The following LAMA1 variants were observed in gnomAD, a reference collection of about 807,000 sequenced individuals.
LAMA1 encodes laminin subunit alpha-1.
Under a neutral mutation model 348.7 loss-of-function variants are expected in LAMA1, and 219 were observed. That is an observed-to-expected ratio of 0.63 (90% CI 0.56 to 0.70). LAMA1 has a LOEUF of 0.70. Ranked by LOEUF, LAMA1 falls within the 30% of genes least tolerant of loss-of-function variation. The pLI is 0.00. For missense variants in LAMA1, 3,744 were observed against 3,888.0 expected, an observed-to-expected ratio of 0.96 and a Z score of 0.99; for synonymous variants, 1,487 against 1,491.0, an observed-to-expected ratio of 1.00 and a Z score of 0.06.
At chr18:6,966,329 T>C (rs2057633300) in intron 48 of LAMA1, 32 bp from the exon 49 acceptor site, 1 of 1,604,622 alleles carries the variant, frequency 6.2e-7, no homozygotes, top group Non-Finnish European at 8.5e-7. Context: ...ATAGAATCCA[T>C]TCTCAGGAGG....
intron 33 of LAMA1, among the ~76,000 whole-genome samples, chr18:6,997,367 G>T (rs2057786606): frequency 3.3e-5 from 5 of 152,156 alleles, no homozygotes; most frequent in Admixed American, 3.3e-4. Flanking sequence ...ACCGTGCCTG[G>T]CCTATTTTCT....
In LAMA1 at chr18:6,941,965, G is replaced by T; in HGVS notation, c.*114C>A. Reference sequence around the variant, plus strand: ...AACGTAAACACAACATCTCTCCCCAGAAACACTTAACCTGAGTTGGAAATG... The same window carrying T: ...AACGTAAACACAACATCTCTCCCCATAAACACTTAACCTGAGTTGGAAATG... On this transcript the variant is annotated 3_prime_UTR_variant, in exon 63 of 63. Transcript: ENST00000389658. 1 of 1,360,774 alleles carries T rather than the reference G, an allele frequency of 7.3e-7. No homozygotes were observed. Among genetic ancestry groups the T allele is most frequent in the Non-Finnish European group, 1.0e-6 (1 of 960,942 alleles). The allele number at this position is 1,360,774 out of a possible 1,614,324, so 84.3% of individuals were successfully genotyped here.
intron 1 of LAMA1, 143 bp downstream of exon 1, chr18:7,117,517 C>A (rs2058362576): frequency 1.3e-6 from 1 of 775,852 alleles, no homozygotes; most frequent in Admixed American, 2.5e-5. Context: ...GCGGGAGACC[C>A]ACGTGGCCGA....
At chr18:7,000,439 A>T (rs1235001646) in intron 30 of LAMA1, among the ~76,000 whole-genome samples, 2 of 152,236 alleles carry the variant, frequency 1.3e-5, no homozygotes, top group Admixed American at 1.3e-4. Context: ...ACTGTAACGA[A>T]AGGCGAGGAA....
chr18:6,983,397 A>G (rs79074926), intron 39 of LAMA1, among the ~76,000 whole-genome samples, 163 bp from the exon 40 acceptor site: 1 of 152,206 alleles, frequency 6.6e-6, no homozygotes, highest in Non-Finnish European at 1.5e-5. Context: ...TTCCCATGTA[A>G]CTTCAAAAGT....
At position 7,015,709 on chromosome 18, in the gene LAMA1, T is replaced by C. The variant is rs1568031928; in HGVS notation, c.3126+13A>G. 1.2e-6 allele frequency: 2 copies of C among 1,613,338 alleles called. No individual in the cohort carries two copies. Among genetic ancestry groups the C allele is most frequent in the African/African-American group, 1.3e-5 (1 of 74,934 alleles). On this transcript the variant is annotated intron_variant, in intron 22 of 62. Coordinates refer to ENST00000389658, the MANE Select transcript of LAMA1 (RefSeq NM_005559.4). ...ACTCTCAGTTAAGCAAGAGCGTGGA[T>C]GACAGTGCTCACCTGGCACCCCACC...
At chr18:7,093,748 A>G (rs1458186884) in intron 1 of LAMA1, among the ~76,000 whole-genome samples, 3 of 151,348 alleles carry the variant, frequency 2.0e-5, no homozygotes, top group Admixed American at 2.0e-4. Flanking sequence ...AGGTAGAGAG[A>G]TAAGAATTAC....
chr18:7,034,705 CAA>C lies in LAMA1; in HGVS notation c.1840-17_1840-16del, dbSNP rs756307870. 3 of 1,599,698 alleles carry C rather than the reference CAA, an allele frequency of 1.9e-6. No homozygotes were observed. The highest frequency in any genetic ancestry group is 1.7e-6 in the Non-Finnish European group (2 of 1,167,380). On this transcript the variant is annotated splice_polypyrimidine_tract_variant and intron_variant, in intron 13 of 62. Coordinates refer to ENST00000389658, the MANE Select transcript of LAMA1 (RefSeq NM_005559.4). The stretch of plus-strand genomic sequence containing the variant: ...AGTCCGTTTCCCTAACATTTAAAAA[CAA>C]GAGAAAATATATTTGTCATTCAATT...
chr18:7,035,885 C>T, intron 13 of LAMA1, 102 bp downstream of exon 13: 1 of 948,862 alleles, frequency 1.1e-6, no homozygotes, highest in South Asian at 1.4e-5. Context: ...CACCTGGCCA[C>T]CAGCTCCTTG....
At chr18:7,068,706 A>G (rs1039204908) in intron 3 of LAMA1, among the ~76,000 whole-genome samples, 1 of 152,182 alleles carries the variant, frequency 6.6e-6, no homozygotes, top group Non-Finnish European at 1.5e-5. Context: ...TGAGGTTTTT[A>G]TAAGCCATGT....
intron 56 of LAMA1, 70 bp from the exon 57 acceptor site, chr18:6,955,535 G>T (rs760340779): frequency 1.6e-5 from 16 of 1,010,624 alleles, no homozygotes; most frequent in Non-Finnish European, 2.3e-5. Context: ...CGCGTGTTCC[G>T]CCATGAAGGG....
chr18:6,943,412 A>G lies in LAMA1; in HGVS notation c.8845-10T>C. 1 of 1,611,986 alleles carries G rather than the reference A, an allele frequency of 6.2e-7. No homozygotes were observed. The highest frequency in any genetic ancestry group is 8.5e-7 in the Non-Finnish European group (1 of 1,177,992). On this transcript the variant is annotated splice_polypyrimidine_tract_variant and intron_variant, in intron 61 of 62. Coordinates refer to ENST00000389658, the MANE Select transcript of LAMA1 (RefSeq NM_005559.4). Reference sequence around the variant, plus strand: ...TGACATGGAACAAGACCTAAAAGCAAATATCTTGGTGAGTTTTTGTGTATT... The same window carrying G: ...TGACATGGAACAAGACCTAAAAGCAGATATCTTGGTGAGTTTTTGTGTATT...
chr18:7,002,517 C>T (rs1320046836), intron 29 of LAMA1, 132 bp from the exon 30 acceptor site: 3 of 960,380 alleles, frequency 3.1e-6, no homozygotes, highest in Non-Finnish European at 5.0e-6. Flanking sequence ...GAAAGGGGAG[C>T]ATTTTCCTCC....
rs377015360 is a variant in LAMA1, at chr18:6,943,230, T to C, written c.9017A>G (p.Gln3006Arg). ...ATTGTTGGTGTCCACTGAGGTAGAC[T>C]GGGTGTGTGGACTTTCAGCGCCAAC... ...NAVGAESPHT[Q>R]STSVDTNNPI... Residue 3006 changes from glutamine to arginine, a missense_variant, in exon 62 of 63, where the codon CAG becomes CGG. Coordinates refer to ENST00000389658, the MANE Select transcript of LAMA1 (RefSeq NM_005559.4). 38 of 1,614,098 alleles carry C rather than the reference T, an allele frequency of 2.4e-5. No homozygotes were observed. The highest frequency in any genetic ancestry group is 3.1e-5 in the Non-Finnish European group (37 of 1,180,048).
rs1048680942 is a variant in LAMA1, at chr18:6,966,095, C to A, written c.7050+52G>T. On this transcript the variant is annotated intron_variant, in intron 49 of 62. Transcript: ENST00000389658. ...TCATTAAACATAAACAACCACATAG[C>A]AATCTAAATGTGTGTATACAGTAGG... 4 of 1,594,898 alleles carry A rather than the reference C, an allele frequency of 2.5e-6. No homozygotes were observed. In the African/African-American group the frequency reaches 5.4e-5, roughly 21 times the overall value.
intron 3 of LAMA1, among the ~76,000 whole-genome samples, chr18:7,063,939 G>T (rs528375393): frequency 4.9e-4 from 74 of 152,236 alleles, no homozygotes; most frequent in African/African-American, 1.7e-3. Context: ...TGGTGGTGAC[G>T]GTTGCACAAT....
intron 47 of LAMA1, 141 bp downstream of exon 47, chr18:6,972,916 C>G: frequency 1.2e-6 from 1 of 836,652 alleles, no homozygotes; most frequent in South Asian, 1.4e-5. Context: ...GTCTTGAACT[C>G]CGGACCTCAG....
chr18:7,017,271 ATC>A lies in LAMA1; in HGVS notation c.2808+5_2808+6del. 6.2e-7 allele frequency: 1 copy of A among 1,608,172 alleles called. No homozygotes were observed. The highest frequency in any genetic ancestry group is 8.5e-7 in the Non-Finnish European group (1 of 1,175,164). ...GCTAAGGTGTCAATTAGTCACATGC[ATC>A]TTACCAAGCACTGGTCACACTGCTG... On this transcript the variant is annotated splice_donor_5th_base_variant and intron_variant, in intron 20 of 62. Coordinates refer to ENST00000389658, the MANE Select transcript of LAMA1 (RefSeq NM_005559.4).
chr18:7,106,822 G>C (rs997851587), intron 1 of LAMA1, among the ~76,000 whole-genome samples: 2 of 151,994 alleles, frequency 1.3e-5, no homozygotes, highest in Non-Finnish European at 2.9e-5. Flanking sequence ...GACACACACA[G>C]AAGTGCTGGC....
Sources: gnomAD v4.1 joint callset for allele counts (sites outside exome capture counted in the v4.1 genomes callset) on GRCh38, gnomAD v4.1.1 for gene constraint, MANE v1.5 for transcripts, NCBI Gene and HGNC (gene_info 2026-07-23, HGNC 2026-07-21) for gene names.